Variants in CSMD3 observed in about 807,000 individuals in gnomAD.
The protein encoded by CSMD3 is CUB and Sushi multiple domains 3, also known as CUB and sushi domain-containing protein 3.
CSMD3 carries 177 observed loss-of-function variants against 435.2 expected under a neutral mutation model. The ratio of observed to expected loss-of-function variants is 0.41; its 90% confidence interval spans 0.36 to 0.46. The LOEUF (loss-of-function observed/expected upper bound fraction) is 0.46. CSMD3 is among the 20% of genes least tolerant of loss of function. The pLI is 0.34. For synonymous variants in CSMD3, 1,656 were observed against 1,520.5 expected (o/e 1.09, Z -2.07); for missense variants, 4,265 against 4,504.6 (o/e 0.95, Z 1.52).
chr8:113,169,095 T>G (rs2092219037), intron 4 of CSMD3, among the ~76,000 whole-genome samples: 1 of 152,170 alleles, frequency 6.6e-6, no homozygotes, highest in Non-Finnish European at 1.5e-5. Flanking sequence ...GTTTTGGTAT[T>G]ACATTTTGAT....
intron 1 of CSMD3, among the ~76,000 whole-genome samples, chr8:113,387,578 G>A (rs936127332): frequency 6.6e-6 from 1 of 151,612 alleles, no homozygotes; most frequent in Admixed American, 6.6e-5. Flanking sequence ...TGTATGGGAG[G>A]TTGGAGAGGA....
Position 113,374,948 on chromosome 8 carries a change from GTTTGT to G in CSMD3, c.179-60160_179-60156del, listed in dbSNP as rs559598040. 3.3e-4 allele frequency among the ~76,000 whole-genome samples: 50 copies of G among 151,112 alleles called. No homozygotes were observed. The East Asian group carries it at 9.2e-3, about 28-fold the overall frequency. On this transcript the variant is annotated intron_variant, in intron 1 of 70. Transcript: ENST00000297405. ...TGGCCAAGCACTTATCATTGTAAGT[GTTTGT>G]TTTTACAGTTGGAAGACAGCGTTCT...
At chr8:112,478,488 TC>T (rs1285378760) in intron 31 of CSMD3, among the ~76,000 whole-genome samples, 2 of 152,176 alleles carry the variant, frequency 1.3e-5, no homozygotes, top group Admixed American at 1.3e-4. Context: ...CCTGTATTAT[TC>T]TCTAGCAAAG....
At chr8:113,280,386 G>A (rs879886475) in intron 2 of CSMD3, among the ~76,000 whole-genome samples, 21 of 151,658 alleles carry the variant, frequency 1.4e-4, no homozygotes, top group African/African-American at 5.1e-4. Flanking sequence ...CCTGATTTGA[G>A]CTAGGACGGT....
chr8:112,320,041 CA>C (rs1373372181), intron 45 of CSMD3, 60 bp from the exon 46 acceptor site: 1 of 1,044,990 alleles, frequency 9.6e-7, no homozygotes, highest in Non-Finnish European at 1.5e-6. Context: ...TTCACATATG[CA>C]AAAAAACAAG....
intron 38 of CSMD3, among the ~76,000 whole-genome samples, chr8:112,371,494 G>A (rs1395545489): frequency 6.6e-6 from 1 of 151,998 alleles, no homozygotes; most frequent in African/African-American, 2.4e-5. Flanking sequence ...CCTCCTAAAT[G>A]TCTCCCCCAT....
chr8:112,944,726 T>A (rs555514573), intron 9 of CSMD3, among the ~76,000 whole-genome samples: 1 of 151,492 alleles, frequency 6.6e-6, no homozygotes, highest in African/African-American at 2.4e-5. Context: ...CAGTCCCTGC[T>A]TGCCCTTTAA....
intron 59 of CSMD3, among the ~76,000 whole-genome samples, chr8:112,279,608 A>G (rs1818434303): frequency 6.6e-6 from 1 of 152,138 alleles, no homozygotes; most frequent in Admixed American, 6.6e-5. Flanking sequence ...ACCATCATAT[A>G]ACACCTACTG....
chr8:113,163,815 A>G (rs575855909), intron 4 of CSMD3, among the ~76,000 whole-genome samples: 2 of 152,058 alleles, frequency 1.3e-5, no homozygotes, highest in African/African-American at 2.4e-5. Flanking sequence ...TGTGAATACA[A>G]TTCTCCAATG....
intron 7 of CSMD3, among the ~76,000 whole-genome samples, chr8:112,964,770 T>C (rs2084356055): frequency 6.6e-6 from 1 of 151,802 alleles, no homozygotes; most frequent in African/African-American, 2.4e-5. Context: ...TATGAGAAAA[T>C]ACAATTGGAA....
chr8:113,430,176 T>C (rs2094662744), intron 1 of CSMD3, among the ~76,000 whole-genome samples: 1 of 152,182 alleles, frequency 6.6e-6, no homozygotes, highest in African/African-American at 2.4e-5. Context: ...TAATAGCTAG[T>C]GAGAAGAGGC....
intron 4 of CSMD3, among the ~76,000 whole-genome samples, chr8:113,169,055 A>G (rs970422709): frequency 3.3e-5 from 5 of 151,988 alleles, no homozygotes; most frequent in Non-Finnish European, 7.4e-5. Context: ...TTCTCCAACT[A>G]TTGTCTTTTA....
At chr8:113,340,116 T>C (rs542483239) in intron 1 of CSMD3, among the ~76,000 whole-genome samples, 3 of 152,182 alleles carry the variant, frequency 2.0e-5, no homozygotes, top group South Asian at 4.1e-4. Context: ...CTATTATTTG[T>C]TCCTTTTATG....
At chr8:113,429,738 A>G (rs763568383) in intron 1 of CSMD3, among the ~76,000 whole-genome samples, 2 of 152,172 alleles carry the variant, frequency 1.3e-5, no homozygotes, top group Non-Finnish European at 2.9e-5. Flanking sequence ...AATAAAATTG[A>G]TAAGGTAAAG....
intron 13 of CSMD3, among the ~76,000 whole-genome samples, chr8:112,761,733 TTTAC>T (rs1346450657): frequency 6.6e-6 from 1 of 152,102 alleles, no homozygotes; most frequent in East Asian, 1.9e-4. Context: ...CCCATATTTA[TTTAC>T]TTATCATTTG....
At chr8:113,035,431 C>G (rs1488258070) in intron 5 of CSMD3, among the ~76,000 whole-genome samples, 2 of 151,860 alleles carry the variant, frequency 1.3e-5, no homozygotes, top group East Asian at 3.9e-4. Flanking sequence ...TAATGACATT[C>G]TGAACAAAGA....
chr8:112,263,249 A>G (rs976461785), intron 61 of CSMD3, among the ~76,000 whole-genome samples: 1 of 152,066 alleles, frequency 6.6e-6, no homozygotes, highest in Non-Finnish European at 1.5e-5. Flanking sequence ...AAATGCCATC[A>G]TAAGAACTTT....
chr8:113,377,113 G>A lies in CSMD3; in HGVS notation c.178+59564C>T, dbSNP rs1484159034. 3.2e-6 allele frequency: 4 copies of A among 1,266,992 alleles called. 1 individual carries two copies. In the South Asian group the frequency reaches 5.8e-5, roughly 18 times the overall value. The allele number at this position is 1,266,992 out of a possible 1,614,324, so 78.5% of individuals were successfully genotyped here. ...GCTGGACTCCCCCAAGGGCTGCGGC[G>A]TCGTCCGGCTCTCCGGTCCTCCAAA... On this transcript the variant is annotated intron_variant, in intron 1 of 70. Coordinates refer to ENST00000297405, the MANE Select transcript of CSMD3 (RefSeq NM_198123.2).
chr8:112,420,939 C>T (rs1053982052), intron 32 of CSMD3, among the ~76,000 whole-genome samples: 2 of 152,172 alleles, frequency 1.3e-5, no homozygotes, highest in Admixed American at 6.6e-5. Flanking sequence ...TTGCCTCCTA[C>T]GCACACTCTG....
Sources: gnomAD v4.1 joint callset for allele counts (sites outside exome capture counted in the v4.1 genomes callset) on GRCh38, gnomAD v4.1.1 for gene constraint, MANE v1.5 for transcripts, NCBI Gene and HGNC (gene_info 2026-07-23, HGNC 2026-07-21) for gene names.